The following OSBPL10 variants were observed in gnomAD, a reference collection of about 807,000 sequenced individuals.
OSBPL10 encodes oxysterol binding protein like 10, also known as oxysterol-binding protein-related protein 10.
In OSBPL10, 49 loss-of-function variants were observed where a neutral mutation model predicts 81.7. The ratio of observed to expected loss-of-function variants is 0.60; its 90% CI spans 0.48 to 0.76. The LOEUF is 0.76. OSBPL10 is among the 30% of genes least tolerant of loss of function. OSBPL10 has a pLI of 0.00. For synonymous variants in OSBPL10, 419 were observed against 383.6 expected (o/e 1.09, Z -1.08); for missense variants, 923 against 987.8 (o/e 0.93, Z 0.88).
chr3:31,696,354 T>G (rs1041385792), intron 7 of OSBPL10, among the ~76,000 whole-genome samples: 1 of 152,242 alleles, frequency 6.6e-6, no homozygotes, highest in Non-Finnish European at 1.5e-5. Flanking sequence ...TTTCAGATAC[T>G]CCTACAGTTT....
At chr3:31,907,875 A>G (rs1320254428) in intron 1 of OSBPL10, among the ~76,000 whole-genome samples, 1 of 152,160 alleles carries the variant, frequency 6.6e-6, no homozygotes, top group Non-Finnish European at 1.5e-5. Flanking sequence ...GGTGGGAAAT[A>G]AATTATAAAC....
intron 3 of OSBPL10, among the ~76,000 whole-genome samples, chr3:31,867,349 G>A (rs58945298): frequency 0.066 from 10,027 of 151,908 alleles, 635 homozygotes; most frequent in African/African-American, 0.15. Flanking sequence ...ATCCATAGAT[G>A]GAAAAAAAAA....
chr3:31,894,694 T>C (rs900149392), intron 1 of OSBPL10, among the ~76,000 whole-genome samples: 6 of 152,234 alleles, frequency 3.9e-5, no homozygotes, highest in Non-Finnish European at 8.8e-5. Context: ...ATTATTGGGT[T>C]GAAGCCAGGA....
chr3:31,739,466 ATT>A (rs950255039), intron 5 of OSBPL10, among the ~76,000 whole-genome samples: 4 of 152,200 alleles, frequency 2.6e-5, no homozygotes, highest in African/African-American at 9.6e-5. Context: ...ATGTGACCAT[ATT>A]TTGAAAAAGG....
chr3:32,046,656 C>T (rs1699624954), intron 1 of OSBPL10: 1 of 152,218 alleles, frequency 6.6e-6, no homozygotes, highest in Admixed American at 6.5e-5. Context: ...ATGTTAAAGA[C>T]TGGCCCCAAA....
chr3:31,948,801 C>T (rs1697777013), intron 1 of OSBPL10, among the ~76,000 whole-genome samples: 1 of 152,174 alleles, frequency 6.6e-6, no homozygotes, highest in Non-Finnish European at 1.5e-5. Flanking sequence ...TGGACCAAGA[C>T]ATTCAAGAAG....
At chr3:31,880,526 A>G (rs1169769566) in intron 1 of OSBPL10, among the ~76,000 whole-genome samples, 1 of 152,186 alleles carries the variant, frequency 6.6e-6, no homozygotes, top group Non-Finnish European at 1.5e-5. Flanking sequence ...TTCTCAAGCT[A>G]TTACCTAGGA....
At chr3:31,854,543 G>T (rs1700858290) in intron 3 of OSBPL10, among the ~76,000 whole-genome samples, 1 of 152,090 alleles carries the variant, frequency 6.6e-6, no homozygotes, top group Admixed American at 6.5e-5. Flanking sequence ...GTTTTTAAAA[G>T]TGTTAGACTA....
At chr3:31,730,790 G>T (rs2125659868) in intron 6 of OSBPL10, among the ~76,000 whole-genome samples, 1 of 152,294 alleles carries the variant, frequency 6.6e-6, no homozygotes, top group South Asian at 2.1e-4. Flanking sequence ...CAGCAGAGGG[G>T]AGCTACCTTT....
intron 2 of OSBPL10, among the ~76,000 whole-genome samples, chr3:32,019,390 T>G (rs1699342308): frequency 6.6e-6 from 1 of 152,168 alleles, no homozygotes; most frequent in South Asian, 2.1e-4. Flanking sequence ...ATCAATAATA[T>G]ATTTATGCAA....
intron 8 of OSBPL10, among the ~76,000 whole-genome samples, chr3:31,679,298 G>C (rs1204277189): frequency 6.6e-6 from 1 of 152,134 alleles, no homozygotes; most frequent in Non-Finnish European, 1.5e-5. Flanking sequence ...TTGTCTCTTA[G>C]TGTCAGTCAT....
Position 32,030,775 on chromosome 3 carries a change from CTGTT to C in OSBPL10, n.298+15712_298+15715del. 4.9e-6 allele frequency: 3 copies of C among 608,384 alleles called. No individual in the cohort carries two copies. In the South Asian group the frequency reaches 5.8e-5, roughly 12 times the overall value. The allele number at this position is 608,384 out of a possible 1,614,324, so 37.7% of individuals were successfully genotyped here. ...ACCCTTAAGTTACATAAAATATTCT[CTGTT>C]TGGAAACACATTTTCTCCAACAGCA... On this transcript the variant is annotated intron_variant and non_coding_transcript_variant, in intron 2 of 3. Transcript: ENST00000479173.
intron 3 of OSBPL10, among the ~76,000 whole-genome samples, chr3:31,873,580 T>C (rs376202869): frequency 8.5e-5 from 13 of 152,192 alleles, no homozygotes; most frequent in South Asian, 2.1e-4. Flanking sequence ...ACAATGTTAT[T>C]TTTTTCCCAC....
intron 2 of OSBPL10, chr3:32,030,242 C>T (rs1425197343): frequency 3.1e-6 from 1 of 325,592 alleles, no homozygotes; most frequent in Non-Finnish European, 5.9e-6. Flanking sequence ...TACATGTTCT[C>T]CAGGCCTTTT....
At chr3:31,884,206 TTAAC>T (rs765190815) in intron 1 of OSBPL10, among the ~76,000 whole-genome samples, 3 of 152,372 alleles carry the variant, frequency 2.0e-5, no homozygotes, top group South Asian at 2.1e-4. Flanking sequence ...ATTTTTCACA[TTAAC>T]TATTTCAAAC....
intron 7 of OSBPL10, among the ~76,000 whole-genome samples, chr3:31,688,809 G>A (rs1700865797): frequency 2.0e-5 from 3 of 152,168 alleles, no homozygotes; most frequent in African/African-American, 7.2e-5. Context: ...AACGTGTTTT[G>A]GGTGGTAAGG....
chr3:31,865,687 T>C (rs1422596598), intron 3 of OSBPL10, among the ~76,000 whole-genome samples: 2 of 152,190 alleles, frequency 1.3e-5, no homozygotes, highest in African/African-American at 2.4e-5. Flanking sequence ...TTTTAATCAT[T>C]CTGTTACTTC....
At chr3:31,772,664 C>A (rs1457376154) in intron 4 of OSBPL10, among the ~76,000 whole-genome samples, 1 of 152,160 alleles carries the variant, frequency 6.6e-6, no homozygotes, top group African/African-American at 2.4e-5. Context: ...GAAGCTGAAA[C>A]AAGAAGGCAA....
intron 1 of OSBPL10, among the ~76,000 whole-genome samples, chr3:31,980,682 T>A (rs937866689): frequency 6.6e-6 from 1 of 152,078 alleles, no homozygotes; most frequent in South Asian, 2.1e-4. Context: ...GCCACTGCGG[T>A]GCGGTCCCGG....
Sources: gnomAD v4.1 joint callset for allele counts (sites outside exome capture counted in the v4.1 genomes callset) on GRCh38, gnomAD v4.1.1 for gene constraint, MANE v1.5 for transcripts, NCBI Gene and HGNC (gene_info 2026-07-23, HGNC 2026-07-21) for gene names.